Variants in COBL observed in about 807,000 individuals in gnomAD.
The protein encoded by COBL is cordon-bleu WH2 repeat protein.
Under a neutral mutation model 98.8 loss-of-function variants are expected in COBL, and 51 were observed. The ratio of observed to expected loss-of-function variants is 0.52; its 90% CI spans 0.41 to 0.65. The LOEUF (loss-of-function observed/expected upper bound fraction) is 0.65. Among genes scored for constraint, COBL ranks in the 30% least tolerant of loss-of-function variants. COBL has a pLI of 0.00. For missense variants in COBL, 1,617 were observed against 1,617.5 expected (o/e 1.00, Z 0.01); for synonymous variants, 634 against 651.7 (o/e 0.97, Z 0.41).
chr7:51,282,240 C>T (rs566076849), intron 1 of COBL, among the ~76,000 whole-genome samples: 9 of 152,024 alleles, frequency 5.9e-5, no homozygotes, highest in African/African-American at 4.8e-5. Flanking sequence ...TTTGATGTAA[C>T]GTAATAGTTT....
At chr7:51,191,875 AAG>A (rs1790148772) in intron 3 of COBL, among the ~76,000 whole-genome samples, 13 of 152,192 alleles carry the variant, frequency 8.5e-5, no homozygotes, top group Admixed American at 8.5e-4. Context: ...GATTGAACAA[AAG>A]AGCAGCAAAG....
intron 1 of COBL, among the ~76,000 whole-genome samples, chr7:51,278,283 C>A (rs773063672): frequency 6.6e-6 from 1 of 152,070 alleles, no homozygotes; most frequent in East Asian, 1.9e-4. Context: ...TCAGTGAGAG[C>A]CCAGAGCCAG....
chr7:51,055,186 C>A (rs928882635), intron 7 of COBL, among the ~76,000 whole-genome samples: 2 of 152,236 alleles, frequency 1.3e-5, no homozygotes, highest in Non-Finnish European at 2.9e-5. Flanking sequence ...GGCCCTCCCT[C>A]CTCCATGAGG....
At chr7:51,019,498 G>A (rs1786709040) in intron 12 of COBL, among the ~76,000 whole-genome samples, 1 of 152,212 alleles carries the variant, frequency 6.6e-6, no homozygotes, top group Admixed American at 6.5e-5. Context: ...GAAGACGTGA[G>A]GTTAATAAAG....
chr7:51,109,892 A>G (rs1265050669), intron 6 of COBL, among the ~76,000 whole-genome samples: 1 of 152,198 alleles, frequency 6.6e-6, no homozygotes, highest in African/African-American at 2.4e-5. Context: ...GCAGTGAAAG[A>G]AACAGGCCAC....
chr7:51,155,136 C>T (rs998263791), intron 5 of COBL, among the ~76,000 whole-genome samples: 1 of 152,152 alleles, frequency 6.6e-6, no homozygotes, highest in African/African-American at 2.4e-5. Context: ...TTGTTGAGGT[C>T]AGAAGATAAC....
intron 5 of COBL, among the ~76,000 whole-genome samples, chr7:51,149,963 CT>C (rs1272862173): frequency 1.3e-5 from 2 of 152,150 alleles, no homozygotes; most frequent in Non-Finnish European, 2.9e-5. Flanking sequence ...TGATCACTTC[CT>C]TTGGAACTTC....
chr7:51,076,337 C>T (rs1210769568), intron 7 of COBL, among the ~76,000 whole-genome samples: 2 of 152,226 alleles, frequency 1.3e-5, no homozygotes, highest in African/African-American at 4.8e-5. Context: ...GCCAAATTCC[C>T]GTCCTACCTT....
chr7:51,168,557 T>C (rs1044291974), intron 5 of COBL, among the ~76,000 whole-genome samples: 1 of 152,156 alleles, frequency 6.6e-6, no homozygotes, highest in Non-Finnish European at 1.5e-5. Flanking sequence ...CAAATCAAAA[T>C]TACAATGAGA....
In COBL at chr7:51,028,440, C is replaced by T. The variant is rs755133186; in HGVS notation, c.2656G>A (p.Val886Met). 1.2e-6 allele frequency: 2 copies of T among 1,614,274 alleles called. No individual in the cohort carries two copies. The highest frequency in any genetic ancestry group is 1.3e-5 in the African/African-American group (1 of 75,078). ...TTCTCGGCATAACCGTGTGGCCTCA[C>T]CACATCAGCATGGACTTTTGGGGCT... Reference protein sequence around the residue: ...IGAPKVHADVVRPHGYAEKGY... With the variant: ...IGAPKVHADVMRPHGYAEKGY... Residue 886 changes from valine (V) to methionine (M), a missense_variant, in exon 10 of 13, where the codon GTG becomes ATG. This residue lies in a region of COBL where 1,304 missense variants were observed against 1,282.0 expected (regional missense o/e 1.02). Transcript: ENST00000265136.
chr7:51,026,708 G>A lies in COBL; in HGVS notation c.3385-43C>T, dbSNP rs774015804. The stretch of plus-strand genomic sequence containing the variant: ...TCACACATTTCACTGAGAACATGGA[G>A]AAATGTGAACTGTAATGCAGCTCAT... On this transcript the variant is annotated intron_variant, in intron 10 of 12. Transcript: ENST00000265136. The A allele has an allele frequency of 2.0e-5, 32 of 1,599,484 alleles. No homozygotes were observed. In the East Asian group the frequency reaches 7.2e-4, roughly 36 times the overall value.
chr7:51,154,021 G>A (rs531208964), intron 5 of COBL, among the ~76,000 whole-genome samples: 86 of 152,278 alleles, frequency 5.6e-4, no homozygotes, highest in Middle Eastern at 3.4e-3. Flanking sequence ...CGTGTTCATC[G>A]TGGAGGCCCG....
chr7:51,311,630 A>G (rs1055478939), intron 1 of COBL, among the ~76,000 whole-genome samples: 6 of 152,212 alleles, frequency 3.9e-5, no homozygotes, highest in African/African-American at 1.2e-4. Flanking sequence ...CTTCCCATCA[A>G]TTCAGAAGCA....
intron 1 of COBL, among the ~76,000 whole-genome samples, chr7:51,236,342 A>G (rs1795258400): frequency 6.6e-6 from 1 of 152,192 alleles, no homozygotes; most frequent in Admixed American, 6.5e-5. Flanking sequence ...AACCATTCAG[A>G]GGAAGAGACA....
chr7:51,139,693 C>G (rs1447365158), intron 5 of COBL, among the ~76,000 whole-genome samples: 2 of 152,172 alleles, frequency 1.3e-5, no homozygotes, highest in African/African-American at 2.4e-5. Flanking sequence ...TGCTTCATTT[C>G]TATCTTCTTT....
intron 1 of COBL, among the ~76,000 whole-genome samples, chr7:51,243,434 T>C (rs113703858): frequency 7.2e-5 from 11 of 152,308 alleles, no homozygotes; most frequent in South Asian, 4.1e-4. Flanking sequence ...ACGGGATCTA[T>C]TGGAAATTTA....
chr7:51,249,928 C>G (rs1447041174), intron 1 of COBL, among the ~76,000 whole-genome samples: 1 of 152,036 alleles, frequency 6.6e-6, no homozygotes, highest in Admixed American at 6.6e-5. Context: ...GTGGGGAAAC[C>G]CTGTCTCTAC....
chr7:51,226,508 C>G (rs577201086), intron 1 of COBL, among the ~76,000 whole-genome samples: 15 of 140,180 alleles, frequency 1.1e-4, no homozygotes, highest in African/African-American at 4.5e-4. Flanking sequence ...GGAAGGAATT[C>G]GGTCACCACT....
At chr7:51,100,944 G>A (rs1795755090) in intron 6 of COBL, among the ~76,000 whole-genome samples, 2 of 151,928 alleles carry the variant, frequency 1.3e-5, no homozygotes, top group South Asian at 4.2e-4. Context: ...AAAAAACGCA[G>A]CAGCAGCTCT....
Sources: allele counts gnomAD v4.1 joint callset (sites outside exome capture counted in the v4.1 genomes callset), GRCh38; gene constraint gnomAD v4.1.1; regional missense constraint gnomAD v4.1.1; transcripts MANE v1.5; gene names NCBI Gene and HGNC (gene_info 2026-07-23, HGNC 2026-07-21).